Variants in SERGEF observed in about 807,000 individuals in gnomAD.
The protein encoded by SERGEF is secretion regulating guanine nucleotide exchange factor.
In SERGEF, 51 loss-of-function variants were observed where a neutral mutation model predicts 50.0. That is an observed-to-expected ratio of 1.02 (90% CI 0.81 to 1.29). SERGEF has a LOEUF of 1.29. Ranked by LOEUF, SERGEF falls within the 50% of genes most tolerant of loss-of-function variation. The pLI is 0.00. For synonymous variants in SERGEF, 205 were observed against 212.4 expected, an observed-to-expected ratio of 0.97 and a Z score of 0.30; for missense variants, 521 against 557.0, an observed-to-expected ratio of 0.94 and a Z score of 0.65.
intron 9 of SERGEF, among the ~76,000 whole-genome samples, chr11:17,923,661 T>C (rs1296984029): frequency 6.6e-6 from 1 of 152,088 alleles, no homozygotes; most frequent in Non-Finnish European, 1.5e-5. Context: ...AAGCAAAAGG[T>C]GACTGAGATT....
At chr11:17,853,860 C>T (rs1251324500) in intron 10 of SERGEF, 1 of 151,762 alleles carries the variant, frequency 6.6e-6, no homozygotes, top group Non-Finnish European at 1.5e-5. Context: ...TATACACACA[C>T]ACAATTTAGC....
intron 9 of SERGEF, among the ~76,000 whole-genome samples, chr11:17,936,565 C>G (rs1254532965): frequency 6.6e-6 from 1 of 151,460 alleles, no homozygotes; most frequent in Admixed American, 6.6e-5. Flanking sequence ...TTTTCATGTT[C>G]TAATAAAGAA....
intron 8 of SERGEF, among the ~76,000 whole-genome samples, chr11:17,985,356 G>A (rs1184383215): frequency 6.6e-6 from 1 of 152,182 alleles, no homozygotes; most frequent in African/African-American, 2.4e-5. Context: ...CAGAGTTGAG[G>A]AAACTGAGGC....
At chr11:17,937,134 A>T (rs1447239423) in intron 9 of SERGEF, among the ~76,000 whole-genome samples, 1 of 152,118 alleles carries the variant, frequency 6.6e-6, no homozygotes, top group Admixed American at 6.5e-5. Flanking sequence ...ATATAGATAA[A>T]TGTTCCTAAT....
chr11:17,926,459 G>A (rs1319352299), intron 9 of SERGEF, among the ~76,000 whole-genome samples: 1 of 152,116 alleles, frequency 6.6e-6, no homozygotes, highest in African/African-American at 2.4e-5. Flanking sequence ...AGAGTGCCTG[G>A]CTCCACGTCC....
chr11:17,941,718 C>T (rs1034407200), intron 9 of SERGEF, among the ~76,000 whole-genome samples: 1 of 152,052 alleles, frequency 6.6e-6, no homozygotes, highest in African/African-American at 2.4e-5. Flanking sequence ...TGCTGTTTTC[C>T]ACAGCAGCTG....
At chr11:17,793,527 G>A (rs1395347481) in intron 10 of SERGEF, among the ~76,000 whole-genome samples, 1 of 152,228 alleles carries the variant, frequency 6.6e-6, no homozygotes, top group East Asian at 1.9e-4. Context: ...TATGCAGGCT[G>A]TTCTCACACA....
intron 10 of SERGEF, among the ~76,000 whole-genome samples, chr11:17,828,516 AG>A: frequency 6.6e-6 from 1 of 152,334 alleles, no homozygotes; most frequent in Non-Finnish European, 1.5e-5. Context: ...CACTTATTTT[AG>A]GTCCTTATAA....
intron 9 of SERGEF, among the ~76,000 whole-genome samples, chr11:17,915,142 T>TA (rs1454962796): frequency 6.8e-6 from 1 of 147,176 alleles, no homozygotes; most frequent in Non-Finnish European, 1.5e-5. Context: ...TAGATGCTCG[T>TA]TGTATGAATG....
At chr11:17,954,599 T>C (rs1462095570) in intron 9 of SERGEF, among the ~76,000 whole-genome samples, 1 of 152,224 alleles carries the variant, frequency 6.6e-6, no homozygotes, top group Non-Finnish European at 1.5e-5. Context: ...CTGCTGCAAA[T>C]GAGAGCTGAT....
rs549139923 is a variant in SERGEF at position 17,870,184 on chromosome 11, G to C, written c.1048+8024C>G. 3.9e-5 allele frequency among the ~76,000 whole-genome samples: 6 copies of C among 152,262 alleles called. 1 individual carries two copies. The South Asian group carries it at 1.2e-3, about 32-fold the overall frequency. ...CTTCCACCATGATTGTAAGTTTCCT[G>C]ACGCCTCCCCAGCCACACTGAACTG... On this transcript the variant is annotated intron_variant, in intron 10 of 10. Coordinates refer to ENST00000265965, the MANE Select transcript of SERGEF (RefSeq NM_012139.4).
At chr11:17,960,747 G>C (rs1377329753) in intron 8 of SERGEF, among the ~76,000 whole-genome samples, 5 of 152,178 alleles carry the variant, frequency 3.3e-5, no homozygotes, top group African/African-American at 1.2e-4. Context: ...GGCTCTGCAG[G>C]GAAACAGTTC....
intron 10 of SERGEF, among the ~76,000 whole-genome samples, chr11:17,819,068 G>A (rs1233358404): frequency 6.6e-6 from 1 of 152,172 alleles, no homozygotes; most frequent in Non-Finnish European, 1.5e-5. Flanking sequence ...AATCTTATTT[G>A]TCAGTTTATA....
chr11:17,907,916 T>C (rs989421388), intron 9 of SERGEF, among the ~76,000 whole-genome samples: 1 of 152,178 alleles, frequency 6.6e-6, no homozygotes, highest in Non-Finnish European at 1.5e-5. Context: ...CAAAATAGCA[T>C]GCATCCTCAA....
At chr11:17,901,407 A>G (rs1851747027) in intron 9 of SERGEF, among the ~76,000 whole-genome samples, 1 of 152,252 alleles carries the variant, frequency 6.6e-6, no homozygotes, top group Non-Finnish European at 1.5e-5. Context: ...CTGAGCCTAT[A>G]GAACAAACCA....
At chr11:17,833,243 A>G (rs1354975302) in intron 10 of SERGEF, among the ~76,000 whole-genome samples, 2 of 152,202 alleles carry the variant, frequency 1.3e-5, no homozygotes, top group Non-Finnish European at 2.9e-5. Flanking sequence ...GGGCCAACGT[A>G]GAGCTTGGGC....
intron 9 of SERGEF, among the ~76,000 whole-genome samples, chr11:17,883,220 T>A (rs940394365): frequency 4.6e-5 from 7 of 152,114 alleles, no homozygotes; most frequent in African/African-American, 1.7e-4. Flanking sequence ...AGGGGTGGGG[T>A]CTTAGAAAAT....
At chr11:17,959,031 G>A (rs1565215465) in intron 9 of SERGEF, among the ~76,000 whole-genome samples, 1 of 152,082 alleles carries the variant, frequency 6.6e-6, no homozygotes, top group Non-Finnish European at 1.5e-5. Flanking sequence ...ACCACGCCCA[G>A]CTAATTTTTG....
chr11:17,889,428 A>G (rs1216451784), intron 9 of SERGEF, among the ~76,000 whole-genome samples: 2 of 152,238 alleles, frequency 1.3e-5, no homozygotes, highest in Non-Finnish European at 2.9e-5. Context: ...AAAAGTGTGT[A>G]AGTGAAATCC....
Sources: gnomAD v4.1 joint callset for allele counts (sites outside exome capture counted in the v4.1 genomes callset) on GRCh38, gnomAD v4.1.1 for gene constraint, MANE v1.5 for transcripts, NCBI Gene and HGNC (gene_info 2026-07-23, HGNC 2026-07-21) for gene names.